The following RAB38 variants were observed in gnomAD, a reference collection of about 807,000 sequenced individuals.
RAB38 encodes RAB38, member RAS oncogene family.
RAB38 carries 15 observed loss-of-function variants against 18.4 expected under a neutral mutation model. The observed-to-expected ratio is 0.82, with a 90% CI of 0.55 to 1.26. RAB38 has a LOEUF of 1.26. Ranked by LOEUF, RAB38 falls within the 50% of genes most tolerant of loss-of-function variation. The probability of loss-of-function intolerance (pLI) is 0.00; values close to 1 mark genes in which losing one functional copy is unlikely to be tolerated. For synonymous variants in RAB38, 101 were observed against 104.4 expected, an observed-to-expected ratio of 0.97 and a Z score of 0.20; for missense variants, 294 against 267.4, an observed-to-expected ratio of 1.10 and a Z score of -0.69.
chr11:87,862,663 A>T, the RAB38 span, among the ~76,000 whole-genome samples: 1 of 151,890 alleles, frequency 6.6e-6, no homozygotes, highest in Non-Finnish European at 1.5e-5. Context: ...ACTTAAACAA[A>T]AGTTAAATAA....
chr11:88,107,309 G>T, the RAB38 span, among the ~76,000 whole-genome samples: 47 of 152,146 alleles, frequency 3.1e-4, no homozygotes, highest in African/African-American at 1.1e-3. Flanking sequence ...CTAGGTGACT[G>T]CTAATCAACT....
At chr11:88,009,173 C>G in the RAB38 span, among the ~76,000 whole-genome samples, 1 of 152,048 alleles carries the variant, frequency 6.6e-6, no homozygotes, top group Admixed American at 6.6e-5. Context: ...AATATTAATG[C>G]CAAAGCTTGA....
At chr11:88,017,343 G>T in the RAB38 span, among the ~76,000 whole-genome samples, 1 of 139,566 alleles carries the variant, frequency 7.2e-6, no homozygotes, top group East Asian at 2.1e-4. Context: ...GGTAATAAAG[G>T]ATATATAATA....
In RAB38 at chr11:88,175,417, C is replaced by T. The variant is rs754526751; in HGVS notation, c.-33G>A. ...GCCGGCCAGACGTGCCGTGCCTGACCAGGGAAGCGCAGCCTGGGCTCTGCG... is the reference window on the plus strand; with the variant it reads ...GCCGGCCAGACGTGCCGTGCCTGACTAGGGAAGCGCAGCCTGGGCTCTGCG... On this transcript the variant is annotated 5_prime_UTR_variant, in exon 1 of 3. Coordinates refer to ENST00000243662, the MANE Select transcript of RAB38 (RefSeq NM_022337.3). 10 of 1,608,130 alleles carry T rather than the reference C, an allele frequency of 6.2e-6. No homozygotes were observed. In the East Asian group the frequency reaches 2.2e-4, roughly 36 times the overall value.
the RAB38 span, among the ~76,000 whole-genome samples, chr11:87,965,815 C>A: frequency 6.6e-6 from 1 of 152,002 alleles, no homozygotes; most frequent in Non-Finnish European, 1.5e-5. Flanking sequence ...GGGAGTTAGG[C>A]CTAAGGTAAA....
the RAB38 span, among the ~76,000 whole-genome samples, chr11:88,016,883 A>T: frequency 6.6e-6 from 1 of 152,072 alleles, no homozygotes; most frequent in African/African-American, 2.4e-5. Context: ...CTGGGTAATA[A>T]TGATTCAGAA....
chr11:87,815,827 A>G, the RAB38 span: 25 of 152,436 alleles, frequency 1.6e-4, no homozygotes, highest in East Asian at 4.8e-3. Flanking sequence ...TCAGGTTTCT[A>G]GGAATATAAA....
chr11:87,893,286 TTGTG>T, the RAB38 span, among the ~76,000 whole-genome samples: 5 of 139,202 alleles, frequency 3.6e-5, no homozygotes, highest in Non-Finnish European at 7.7e-5. Context: ...TTTCCAGATT[TTGTG>T]TGTGTGTGTG....
the RAB38 span, among the ~76,000 whole-genome samples, chr11:88,106,130 G>A: frequency 2.0e-5 from 3 of 151,996 alleles, no homozygotes; most frequent in Non-Finnish European, 4.4e-5. Flanking sequence ...TAGACTTAAA[G>A]AGCAGAGACC....
chr11:88,089,776 A>C, the RAB38 span, among the ~76,000 whole-genome samples: 3 of 151,952 alleles, frequency 2.0e-5, no homozygotes, highest in African/African-American at 7.2e-5. Flanking sequence ...CGGCACATGA[A>C]CTCTAAGATT....
chr11:87,975,691 C>A, the RAB38 span, among the ~76,000 whole-genome samples: 1 of 151,596 alleles, frequency 6.6e-6, no homozygotes, highest in African/African-American at 2.4e-5. Context: ...CCTTCATTTT[C>A]TATAAATCTT....
chr11:87,846,643 G>A, the RAB38 span, among the ~76,000 whole-genome samples: 1 of 151,928 alleles, frequency 6.6e-6, no homozygotes, highest in South Asian at 2.1e-4. Context: ...AGACCAATGA[G>A]ACAAAAAGTC....
chr11:87,870,623 A>G, the RAB38 span, among the ~76,000 whole-genome samples: 1 of 151,608 alleles, frequency 6.6e-6, no homozygotes, highest in Non-Finnish European at 1.5e-5. Flanking sequence ...TGTATTATCA[A>G]CTAATGTGTG....
At chr11:88,022,266 G>GAA in the RAB38 span, among the ~76,000 whole-genome samples, 2 of 150,896 alleles carry the variant, frequency 1.3e-5, no homozygotes, top group South Asian at 4.2e-4. Flanking sequence ...AACTGATGCT[G>GAA]AAAAAGCATT....
chr11:88,032,910 G>A, the RAB38 span, among the ~76,000 whole-genome samples: 5 of 152,254 alleles, frequency 3.3e-5, no homozygotes, highest in African/African-American at 1.2e-4. Context: ...TCATGCTGCT[G>A]TAAAGACACA....
chr11:87,969,159 A>C, the RAB38 span, among the ~76,000 whole-genome samples: 1 of 152,100 alleles, frequency 6.6e-6, no homozygotes, highest in South Asian at 2.1e-4. Flanking sequence ...CATTACCTTC[A>C]AATTACATTA....
chr11:87,977,401 T>G, the RAB38 span, among the ~76,000 whole-genome samples: 3 of 44,722 alleles, frequency 6.7e-5, no homozygotes, highest in African/African-American at 8.8e-5. Flanking sequence ...ATATATATAA[T>G]TATATTATAA....
At chr11:88,034,087 A>G in the RAB38 span, among the ~76,000 whole-genome samples, 1 of 152,150 alleles carries the variant, frequency 6.6e-6, no homozygotes, top group Non-Finnish European at 1.5e-5. Flanking sequence ...GGCAACCACT[A>G]ATCTGTTTTC....
chr11:88,143,401 T>C (rs1942941064), intron 2 of RAB38, among the ~76,000 whole-genome samples: 1 of 152,222 alleles, frequency 6.6e-6, no homozygotes. Flanking sequence ...TACAACTGTT[T>C]AACTTTGTAG....
Sources: gnomAD v4.1 joint callset for allele counts (sites outside exome capture counted in the v4.1 genomes callset) on GRCh38, gnomAD v4.1.1 for gene constraint, MANE v1.5 for transcripts, NCBI Gene and HGNC (gene_info 2026-07-23, HGNC 2026-07-21) for gene names.